The following ARSJ variants were observed in gnomAD, a reference collection of about 807,000 sequenced individuals.
ARSJ encodes the protein arylsulfatase J.
ARSJ carries 26 observed loss-of-function variants against 35.9 expected under a neutral mutation model. The observed-to-expected ratio is 0.72, with a 90% CI of 0.53 to 1.00. The LOEUF (loss-of-function observed/expected upper bound fraction) is 1.00. Among genes scored for constraint, ARSJ ranks in the 50% least tolerant of loss-of-function variants. ARSJ has a pLI of 0.00. For synonymous variants in ARSJ, 294 were observed against 267.6 expected (o/e 1.10, Z -0.96); for missense variants, 667 against 723.6 (o/e 0.92, Z 0.90).
intron 1 of ARSJ, among the ~76,000 whole-genome samples, chr4:113,930,249 C>T (rs1724348116): frequency 6.6e-6 from 1 of 152,068 alleles, no homozygotes; most frequent in Admixed American, 6.6e-5. Context: ...CAAGGAGAGC[C>T]AGTCAGAGTC....
At chr4:113,915,373 CT>C (rs1263166882) in intron 1 of ARSJ, among the ~76,000 whole-genome samples, 2 of 152,094 alleles carry the variant, frequency 1.3e-5, no homozygotes, top group East Asian at 3.9e-4. Flanking sequence ...ATTTTATATT[CT>C]GAAGTGAACT....
intron 1 of ARSJ, among the ~76,000 whole-genome samples, chr4:113,906,018 A>C (rs945098023): frequency 6.6e-6 from 1 of 152,194 alleles, no homozygotes; most frequent in African/African-American, 2.4e-5. Flanking sequence ...CTAATTTTTT[A>C]ACAAGTGAAT....
At chr4:113,934,872 G>A (rs1430211845) in intron 1 of ARSJ, among the ~76,000 whole-genome samples, 1 of 151,734 alleles carries the variant, frequency 6.6e-6, no homozygotes, top group Non-Finnish European at 1.5e-5. Flanking sequence ...TAAACCTTGG[G>A]ATTCATCTTT....
chr4:113,919,000 G>C (rs1723497081), intron 1 of ARSJ, among the ~76,000 whole-genome samples: 1 of 152,128 alleles, frequency 6.6e-6, no homozygotes, highest in South Asian at 2.1e-4. Context: ...ATATTGGGCT[G>C]ATCCTGGCAT....
chr4:113,925,268 C>G (rs768292309), intron 1 of ARSJ, among the ~76,000 whole-genome samples: 2 of 152,032 alleles, frequency 1.3e-5, no homozygotes, highest in Non-Finnish European at 2.9e-5. Context: ...GCATTCCTCC[C>G]TCTAGAAGTA....
intron 1 of ARSJ, among the ~76,000 whole-genome samples, chr4:113,919,930 T>C (rs531548435): frequency 7.5e-6 from 1 of 132,964 alleles, no homozygotes; most frequent in South Asian, 2.6e-4. Flanking sequence ...AAAGTGAGTA[T>C]GGTCAATTTT....
intron 1 of ARSJ, among the ~76,000 whole-genome samples, chr4:113,905,724 G>A (rs2099668541): frequency 1.5e-5 from 2 of 130,716 alleles, no homozygotes; most frequent in Non-Finnish European, 3.1e-5. Context: ...CTGGAGTGCA[G>A]TGGCACGATC....
At chr4:113,978,332 AGTT>A in intron 1 of ARSJ, 102 bp downstream of exon 1, 1 of 1,045,744 alleles carries the variant, frequency 9.6e-7, no homozygotes, top group East Asian at 2.4e-5. Context: ...TCATTCATTC[AGTT>A]GTTCCCCATA....
At chr4:113,950,781 A>T (rs1725818086) in intron 1 of ARSJ, among the ~76,000 whole-genome samples, 1 of 152,070 alleles carries the variant, frequency 6.6e-6, no homozygotes, top group African/African-American at 2.4e-5. Flanking sequence ...TTAAGAGCGT[A>T]TGCTTTCCTG....
intron 1 of ARSJ, among the ~76,000 whole-genome samples, chr4:113,929,535 G>A (rs1387072621): frequency 6.6e-6 from 1 of 152,046 alleles, no homozygotes; most frequent in African/African-American, 2.4e-5. Flanking sequence ...GTTTATCAGG[G>A]TCCTCCCACA....
chr4:113,977,112 A>G (rs1164964540), intron 1 of ARSJ, among the ~76,000 whole-genome samples: 2 of 152,230 alleles, frequency 1.3e-5, no homozygotes, highest in Non-Finnish European at 2.9e-5. Context: ...CATGAGCCAT[A>G]TATAAGGGTG....
intron 1 of ARSJ, among the ~76,000 whole-genome samples, chr4:113,962,859 G>A (rs1195622816): frequency 1.3e-5 from 2 of 151,974 alleles, no homozygotes; most frequent in Non-Finnish European, 2.9e-5. Flanking sequence ...TACACTACAG[G>A]ATCTGGCTTC....
At chr4:113,906,816 A>C (rs2099668883) in intron 1 of ARSJ, 2 of 447,632 alleles carry the variant, frequency 4.5e-6, no homozygotes, top group Non-Finnish European at 8.9e-6. Context: ...CTAGTAAGGA[A>C]GGTATATTTA....
At chr4:113,921,437 T>G (rs916685477) in intron 1 of ARSJ, among the ~76,000 whole-genome samples, 1 of 152,174 alleles carries the variant, frequency 6.6e-6, no homozygotes, top group South Asian at 2.1e-4. Context: ...ATAGCTTTTC[T>G]GTTTTAACGT....
At chr4:113,947,412 G>T (rs576784324) in intron 1 of ARSJ, among the ~76,000 whole-genome samples, 22 of 151,986 alleles carry the variant, frequency 1.4e-4, no homozygotes, top group African/African-American at 5.1e-4. Context: ...TTTGGCAGTT[G>T]GAGGTTGCAG....
rs575365932 is a variant in ARSJ at position 113,937,208 on chromosome 4, G to C, written c.399-33533C>G. On this transcript the variant is annotated intron_variant, in intron 1 of 1. Coordinates refer to ENST00000315366, the MANE Select transcript of ARSJ (RefSeq NM_024590.4). ...TTCTCAGTGCTCACACATTATTTAG[G>C]TTATACTTTTTCCACCACTTCTGAC... 1.0e-3 allele frequency among the ~76,000 whole-genome samples: 152 copies of C among 151,944 alleles called. 2 individuals are homozygous for C. The South Asian group carries it at 0.029, about 29-fold the overall frequency.
Position 113,900,767 on chromosome 4 carries a change from G to GCTCA in ARSJ, c.*1503_*1506dup, listed in dbSNP as rs2099666818. On this transcript the variant is annotated 3_prime_UTR_variant, in exon 2 of 2. Transcript: ENST00000315366. ...GTCTACAGGATCCACACCAATCTAT[G>GCTCA]CTCATTGATGACCCATGATAAACTT... 6.6e-6 allele frequency: 1 copy of GCTCA among 152,110 alleles called. No homozygotes were observed. The highest frequency in any genetic ancestry group is 2.1e-4 in the South Asian group (1 of 4,818). 9.4% of individuals were successfully genotyped at this position (152,110 alleles called of 1,614,324 possible).
intron 1 of ARSJ, among the ~76,000 whole-genome samples, chr4:113,908,525 A>G (rs1239641179): frequency 2.0e-5 from 3 of 152,220 alleles, no homozygotes; most frequent in Non-Finnish European, 4.4e-5. Context: ...GAAGTTGAAT[A>G]TATCAGACTA....
At position 113,978,938 on chromosome 4, in the gene ARSJ, A is replaced by G. The variant is rs1462780581; in HGVS notation, c.-104T>C. On this transcript the variant is annotated 5_prime_UTR_variant, in exon 1 of 2. Coordinates refer to ENST00000315366, the MANE Select transcript of ARSJ (RefSeq NM_024590.4). The stretch of plus-strand genomic sequence containing the variant: ...GACGGTGAAGACTCTCCACCTGGCA[A>G]GAAATCCTCCTCTCCTCTCAGCTGT... The G allele has an allele frequency of 8.0e-7, 1 of 1,246,670 alleles. No homozygotes were observed. The highest frequency in any genetic ancestry group is 1.1e-6 in the Non-Finnish European group (1 of 902,602). The allele number at this position is 1,246,670 out of a possible 1,614,324, so 77.2% of individuals were successfully genotyped here.
Sources: allele counts gnomAD v4.1 joint callset (sites outside exome capture counted in the v4.1 genomes callset), GRCh38; gene constraint gnomAD v4.1.1; transcripts MANE v1.5; gene names NCBI Gene and HGNC (gene_info 2026-07-23, HGNC 2026-07-21).